Variants in ARL13B observed in about 807,000 individuals in gnomAD.
ARL13B encodes the protein ARF like GTPase 13B, also known as ADP-ribosylation factor-like protein 13B.
A neutral mutation model predicts 56.1 loss-of-function variants in ARL13B; 36 were observed. The ratio of observed to expected loss-of-function variants is 0.64; its 90% CI spans 0.49 to 0.85. The LOEUF (loss-of-function observed/expected upper bound fraction) is 0.85. Among genes scored for constraint, ARL13B ranks in the 40% least tolerant of loss-of-function variants. The pLI, the probability that ARL13B is intolerant of heterozygous loss-of-function variation, is 0.00. For missense variants in ARL13B, 519 were observed against 507.1 expected (o/e 1.02, Z -0.23); for synonymous variants, 178 against 171.1 (o/e 1.04, Z -0.32).
chr3:93,987,810 AT>A (rs996749371), intron 1 of ARL13B, among the ~76,000 whole-genome samples: 85 of 147,428 alleles, frequency 5.8e-4, no homozygotes, highest in African/African-American at 1.5e-3. Flanking sequence ...TGCCTGGCTA[AT>A]TTTTTTTTTT....
intron 3 of ARL13B, among the ~76,000 whole-genome samples, chr3:94,033,197 A>T (rs973754190): frequency 6.6e-6 from 1 of 152,166 alleles, no homozygotes; most frequent in Non-Finnish European, 1.5e-5. Context: ...GGATTAATAG[A>T]CATTGGAGAC....
intron 3 of ARL13B, among the ~76,000 whole-genome samples, chr3:94,007,291 T>G (rs2076151258): frequency 6.6e-6 from 1 of 152,228 alleles, no homozygotes; most frequent in South Asian, 2.1e-4. Context: ...AATTCATTGT[T>G]ATTTGTGGGA....
intron 3 of ARL13B, among the ~76,000 whole-genome samples, chr3:94,019,265 T>G (rs1360152100): frequency 1.3e-5 from 2 of 151,508 alleles, no homozygotes; most frequent in Non-Finnish European, 2.9e-5. Flanking sequence ...GGCACAATCT[T>G]GGCTCACTGC....
chr3:94,055,452 A>G lies in ARL13B; in HGVS notation c.*2189A>G, dbSNP rs1404170202. On this transcript the variant is annotated 3_prime_UTR_variant, in exon 10 of 10. Coordinates refer to ENST00000394222, the MANE Select transcript of ARL13B (RefSeq NM_001174150.2). ...TTTTTCTCTCTGCAAGTTTTTATGT[A>G]TGTGGGAAAGAATTTGTGATTTTAA... 4.4e-6 allele frequency: 2 copies of G among 453,638 alleles called. No homozygotes were observed. Among genetic ancestry groups the G allele is most frequent in the South Asian group, 3.1e-5 (2 of 64,394 alleles). The allele number at this position is 453,638 out of a possible 1,614,324, so 28.1% of individuals were successfully genotyped here. A position where few individuals can be genotyped will look rare whatever the true frequency, so the allele number is the denominator to read the frequency against.
At position 94,031,177 on chromosome 3, in the gene ARL13B, G is replaced by A. The variant is rs916716879; in HGVS notation, c.381-4154G>A. The stretch of plus-strand genomic sequence containing the variant: ...TCTGCACTTAAGCCTGGGCAACAGA[G>A]TGAGACCCTGTCTCAAAGAAATAAA... On this transcript the variant is annotated intron_variant, in intron 3 of 9. Coordinates refer to ENST00000394222, the MANE Select transcript of ARL13B (RefSeq NM_001174150.2). Among the ~76,000 whole-genome samples the A allele has an allele frequency of 1.5e-4, 23 of 152,266 alleles. 1 individual carries two copies. The highest frequency in any genetic ancestry group is 7.8e-4 in the Admixed American group (12 of 15,296).
intron 2 of ARL13B, among the ~76,000 whole-genome samples, chr3:94,003,008 T>G (rs890939184): frequency 2.6e-5 from 4 of 152,168 alleles, no homozygotes; most frequent in African/African-American, 9.7e-5. Flanking sequence ...TATCACTCCT[T>G]GGCAGTTCAT....
At position 93,981,652 on chromosome 3, in the gene ARL13B, C is replaced by T. The variant is rs549337227; in HGVS notation, c.59+1170C>T. 6.6e-5 allele frequency among the ~76,000 whole-genome samples: 10 copies of T among 152,066 alleles called. No homozygotes were observed. In the South Asian group the frequency reaches 1.7e-3, roughly 25 times the overall value. On this transcript the variant is annotated intron_variant, in intron 1 of 9. Transcript: ENST00000394222. ...ATCCCAGCACTTTGGGAGGCCGAAG[C>T]TGGCCGATCTTTGGAGCCCTGGAGT...
chr3:93,992,472 G>A (rs552707066), intron 1 of ARL13B, among the ~76,000 whole-genome samples: 1 of 152,052 alleles, frequency 6.6e-6, no homozygotes, highest in Non-Finnish European at 1.5e-5. Flanking sequence ...GTTATCTCAT[G>A]TTACTGTAAT....
Position 94,053,536 on chromosome 3 carries a change from C to T in ARL13B, c.*273C>T, listed in dbSNP as rs912410790. ...CTGTTGACTCTGGTTTATACATCCC[C>T]ACTCATGAGCATACTTCTGAAGGAA... On this transcript the variant is annotated 3_prime_UTR_variant, in exon 10 of 10. Transcript: ENST00000394222. 2 of 574,500 alleles carry T rather than the reference C, an allele frequency of 3.5e-6. No homozygotes were observed. Among genetic ancestry groups the T allele is most frequent in the African/African-American group, 1.8e-5 (1 of 54,124 alleles). The allele number at this position is 574,500 out of a possible 1,614,324, so 35.6% of individuals were successfully genotyped here.
intron 1 of ARL13B, 29 bp downstream of exon 1, chr3:93,980,511 C>G (rs770488477): frequency 2.5e-5 from 40 of 1,607,198 alleles, no homozygotes; most frequent in Non-Finnish European, 3.2e-5. Context: ...TCCTGGCCGT[C>G]CTAGGGGTTG....
intron 3 of ARL13B, 140 bp from the exon 4 acceptor site, chr3:94,035,191 T>A (rs1410952923): frequency 3.6e-6 from 2 of 560,694 alleles, no homozygotes; most frequent in South Asian, 4.7e-5. Flanking sequence ...GAGCTGAGAT[T>A]GCACCACTGT....
intron 1 of ARL13B, among the ~76,000 whole-genome samples, chr3:93,984,835 C>T (rs962951027): frequency 4.6e-5 from 7 of 151,978 alleles, no homozygotes; most frequent in African/African-American, 7.3e-5. Context: ...AGTGAGACCC[C>T]ATCCGTACAA....
At chr3:94,029,334 A>ATATATATATATATT (rs2076625062) in intron 3 of ARL13B, among the ~76,000 whole-genome samples, 1 of 53,412 alleles carries the variant, frequency 1.9e-5, no homozygotes, top group African/African-American at 9.3e-5. Context: ...ATATATATAT[A>ATATATATATATATT]TTTATTTTTT....
At chr3:94,018,294 A>G (rs1257919366) in intron 3 of ARL13B, among the ~76,000 whole-genome samples, 2 of 152,108 alleles carry the variant, frequency 1.3e-5, no homozygotes, top group Admixed American at 1.3e-4. Context: ...CTTTAATGAT[A>G]GAGATGGAGT....
chr3:93,994,582 A>G (rs537115776), intron 1 of ARL13B, among the ~76,000 whole-genome samples: 115 of 152,248 alleles, frequency 7.6e-4, no homozygotes, highest in African/African-American at 2.7e-3. Flanking sequence ...TTTTATTATG[A>G]TAGTGGTTGC....
chr3:94,025,358 C>T (rs182814745), intron 3 of ARL13B, among the ~76,000 whole-genome samples: 21 of 152,082 alleles, frequency 1.4e-4, no homozygotes, highest in Admixed American at 1.1e-3. Flanking sequence ...CATGGCAATG[C>T]GTATTATGTA....
Position 94,054,184 on chromosome 3 carries a change from C to G in ARL13B, c.*921C>G, listed in dbSNP as rs1422847120. ...CTCTTTTAGGTGATTCTAATTCTTT[C>G]ATGCCTTGAAATTAAACTATGAAAT... On this transcript the variant is annotated 3_prime_UTR_variant, in exon 10 of 10. Transcript: ENST00000394222. 3.5e-5 allele frequency: 16 copies of G among 452,956 alleles called. No homozygotes were observed. The highest frequency in any genetic ancestry group is 5.3e-5 in the Non-Finnish European group (12 of 226,096). The allele number at this position is 452,956 out of a possible 1,614,324, so 28.1% of individuals were successfully genotyped here.
chr3:94,014,131 C>T (rs1199274717), intron 3 of ARL13B, among the ~76,000 whole-genome samples: 3 of 152,138 alleles, frequency 2.0e-5, no homozygotes, highest in East Asian at 1.9e-4. Flanking sequence ...TTATGCATCT[C>T]ATTTTCAATA....
intron 3 of ARL13B, among the ~76,000 whole-genome samples, chr3:94,024,648 C>T (rs771767928): frequency 7.2e-5 from 11 of 152,286 alleles, no homozygotes; most frequent in Non-Finnish European, 1.6e-4. Context: ...TATAGTGGCT[C>T]AATTGCGGCT....
Sources: gnomAD v4.1 joint callset for allele counts (sites outside exome capture counted in the v4.1 genomes callset) on GRCh38, gnomAD v4.1.1 for gene constraint, MANE v1.5 for transcripts, NCBI Gene and HGNC (gene_info 2026-07-23, HGNC 2026-07-21) for gene names.